Variants in CYP2J2 observed in about 807,000 individuals in gnomAD.
CYP2J2 encodes the protein cytochrome P450 2J2.
In CYP2J2, 41 loss-of-function variants were observed where a neutral mutation model predicts 48.8. The observed-to-expected ratio is 0.84, with a 90% CI of 0.66 to 1.09. The LOEUF is 1.09. CYP2J2 is among the 50% of genes least tolerant of loss of function. The probability of loss-of-function intolerance (pLI) is 0.00; values close to 1 mark genes in which losing one functional copy is unlikely to be tolerated. For missense variants in CYP2J2, 644 were observed against 617.3 expected (o/e 1.04, Z -0.46); for synonymous variants, 221 against 227.1 (o/e 0.97, Z 0.24).
chr1:59,965,703 G>A, the CYP2J2 span, among the ~76,000 whole-genome samples: 3 of 152,098 alleles, frequency 2.0e-5, no homozygotes, highest in Non-Finnish European at 4.4e-5. Flanking sequence ...CCAGGCTGGA[G>A]GGCAGTGGTG....
chr1:59,924,891 A>G (rs1000830139), intron 1 of CYP2J2, among the ~76,000 whole-genome samples: 2 of 152,138 alleles, frequency 1.3e-5, no homozygotes, highest in African/African-American at 4.8e-5. Context: ...AGACCCAAGT[A>G]TATGCTGCCT....
the CYP2J2 span, among the ~76,000 whole-genome samples, chr1:59,962,795 T>C: frequency 2.3e-4 from 35 of 152,316 alleles, no homozygotes; most frequent in African/African-American, 7.0e-4. Flanking sequence ...ACGTTGACAC[T>C]GTAATTCACA....
At chr1:59,924,481 T>C (rs1021370084) in intron 1 of CYP2J2, among the ~76,000 whole-genome samples, 9 of 152,156 alleles carry the variant, frequency 5.9e-5, no homozygotes, top group African/African-American at 2.2e-4. Flanking sequence ...TAGTTCTCAA[T>C]GTATATAGAG....
At chr1:59,919,196 T>C (rs534133438) in intron 1 of CYP2J2, among the ~76,000 whole-genome samples, 93 of 152,348 alleles carry the variant, frequency 6.1e-4, no homozygotes, top group African/African-American at 2.2e-3. Context: ...ATGCTGTTTC[T>C]ATATTTCTCT....
intron 1 of CYP2J2, among the ~76,000 whole-genome samples, chr1:59,924,298 T>C (rs1348671713): frequency 2.0e-5 from 3 of 152,150 alleles, no homozygotes; most frequent in African/African-American, 7.2e-5. Flanking sequence ...ACTAAAAGAA[T>C]ATCTAAAGAT....
chr1:59,938,858 C>G, the CYP2J2 span, among the ~76,000 whole-genome samples: 2 of 152,240 alleles, frequency 1.3e-5, no homozygotes, highest in South Asian at 4.1e-4. Context: ...TGCGGCTTTC[C>G]GCAGTGCATT....
chr1:59,903,159 C>A (rs1286332440), intron 7 of CYP2J2, among the ~76,000 whole-genome samples: 1 of 152,186 alleles, frequency 6.6e-6, no homozygotes, highest in Non-Finnish European at 1.5e-5. Context: ...CTTTTCCTGG[C>A]TCTGCAGGGA....
At chr1:59,938,043 C>T in the CYP2J2 span, among the ~76,000 whole-genome samples, 2 of 152,094 alleles carry the variant, frequency 1.3e-5, no homozygotes, top group East Asian at 3.9e-4. Flanking sequence ...TAAAATGTCA[C>T]ATATCTTCAT....
At position 59,926,679 on chromosome 1, in the gene CYP2J2, A is replaced by G; in HGVS notation, c.68T>C (p.Leu23Pro). ...AGCGAGCAGAAAGGCGACAGTGCCC[A>G]GTAGGAGAGTCCGAGGATGGACCAC... The part of the protein sequence containing the change: ...WAVVHPRTLL[L>P]GTVAFLLAAD... Residue 23 changes from leucine (L) to proline (P), a missense_variant, in exon 1 of 9, where the codon CTG (leucine) becomes CCG (proline). By Grantham distance (98) the Leu-to-Pro change is moderately conservative. Coordinates refer to ENST00000371204, the MANE Select transcript of CYP2J2 (RefSeq NM_000775.4). The G allele has an allele frequency of 6.2e-7, 1 of 1,614,176 alleles. No individual in the cohort carries two copies. The highest frequency in any genetic ancestry group is 8.5e-7 in the Non-Finnish European group (1 of 1,180,010).
the CYP2J2 span, among the ~76,000 whole-genome samples, chr1:59,932,294 G>A: frequency 1.3e-5 from 2 of 152,000 alleles, no homozygotes; most frequent in Non-Finnish European, 2.9e-5. Context: ...ATTTTATTGA[G>A]GAGTAATAAT....
chr1:59,939,123 C>T, the CYP2J2 span, among the ~76,000 whole-genome samples: 14 of 152,290 alleles, frequency 9.2e-5, no homozygotes, highest in African/African-American at 3.1e-4. Context: ...TCCCTTTTTA[C>T]ACAGACACAG....
chr1:59,909,556 G>A (rs1025448747), intron 5 of CYP2J2, among the ~76,000 whole-genome samples: 12 of 152,160 alleles, frequency 7.9e-5, no homozygotes, highest in African/African-American at 2.9e-4. Context: ...GAAAGTAATA[G>A]AAACAGATTC....
upstream of CYP2J2, among the ~76,000 whole-genome samples, chr1:59,931,189 G>C (rs577192564): frequency 6.6e-6 from 1 of 152,270 alleles, no homozygotes; most frequent in East Asian, 1.9e-4. Flanking sequence ...TCAGAGCCTA[G>C]GGAGCAGAAA....
the CYP2J2 span, among the ~76,000 whole-genome samples, chr1:59,949,347 CCT>C: frequency 4.7e-4 from 72 of 152,156 alleles, no homozygotes; most frequent in African/African-American, 1.7e-3. Flanking sequence ...AAATCCCACC[CCT>C]GACTCCTAGA....
rs1644314477 is a variant in CYP2J2, at chr1:59,901,025, C to T, written c.1270G>A (p.Asp424Asn). 5 of 1,614,140 alleles carry T rather than the reference C, an allele frequency of 3.1e-6. No homozygotes were observed. Among genetic ancestry groups the T allele is most frequent in the Non-Finnish European group, 4.2e-6 (5 of 1,180,014 alleles). Residue 424 changes from aspartate to asparagine, a missense_variant, in exon 8 of 9, where the codon GAC (aspartate) becomes AAC (asparagine). Coordinates refer to ENST00000371204, the MANE Select transcript of CYP2J2 (RefSeq NM_000775.4). ...AACTGTCCATTCTCCAGAAAATGGT[C>T]CGGATTGAATGTGTCAGGGGTGGCC... Reference protein sequence around the residue: ...EWATPDTFNPDHFLENGQFKK... With the variant: ...EWATPDTFNPNHFLENGQFKK...
the CYP2J2 span, among the ~76,000 whole-genome samples, chr1:59,935,015 C>CATATATATATATATATATATATATATAT: frequency 1.1e-4 from 5 of 47,506 alleles, no homozygotes; most frequent in Admixed American, 2.9e-4. Flanking sequence ...TATATATATA[C>CATATATATATATATATATATATATATAT]ATATATATAT....
chr1:59,958,167 T>C, the CYP2J2 span, among the ~76,000 whole-genome samples: 1 of 152,188 alleles, frequency 6.6e-6, no homozygotes, highest in African/African-American at 2.4e-5. Flanking sequence ...TTCATTCTGC[T>C]TTACTACTCT....
chr1:59,964,459 A>G, the CYP2J2 span, among the ~76,000 whole-genome samples: 1 of 152,360 alleles, frequency 6.6e-6, no homozygotes, highest in South Asian at 2.1e-4. Flanking sequence ...AAAGGCTGCA[A>G]CTAATGGCCA....
intron 1 of CYP2J2, among the ~76,000 whole-genome samples, chr1:59,919,037 T>G (rs967624426): frequency 1.3e-5 from 2 of 151,666 alleles, no homozygotes; most frequent in Admixed American, 6.6e-5. Context: ...AACAAAGACA[T>G]GAAAAGAGGA....
Sources: allele counts gnomAD v4.1 joint callset (sites outside exome capture counted in the v4.1 genomes callset), GRCh38; gene constraint gnomAD v4.1.1; transcripts MANE v1.5; gene names NCBI Gene and HGNC (gene_info 2026-07-23, HGNC 2026-07-21).